Variants in RSPH1 observed in about 807,000 individuals in gnomAD.
The protein encoded by RSPH1 is radial spoke head component 1, also known as radial spoke head 1 homolog.
RSPH1 carries 32 observed loss-of-function variants against 44.2 expected under a neutral mutation model. That is an observed-to-expected ratio of 0.72 (90% CI 0.55 to 0.97). The LOEUF (loss-of-function observed/expected upper bound fraction) is 0.97, where lower values mean the gene tolerates loss of function less well. Ranked by LOEUF, RSPH1 falls within the 50% of genes least tolerant of loss-of-function variation. RSPH1 has a pLI of 0.00. For synonymous variants in RSPH1, 134 were observed against 147.3 expected (o/e 0.91, Z 0.65); for missense variants, 391 against 398.7 (o/e 0.98, Z 0.16).
At chr21:42,495,107 C>T (rs2054274436) in intron 1 of RSPH1, among the ~76,000 whole-genome samples, 1 of 152,260 alleles carries the variant, frequency 6.6e-6, no homozygotes, top group African/African-American at 2.4e-5. Flanking sequence ...AAGTCCCAGA[C>T]TTGGCCTAAT....
At chr21:42,486,622 G>GA (rs1299753589) in intron 3 of RSPH1, among the ~76,000 whole-genome samples, 161 bp from the exon 4 acceptor site, 1 of 152,350 alleles carries the variant, frequency 6.6e-6, no homozygotes, top group Non-Finnish European at 1.5e-5. Flanking sequence ...CTGCAGAAGA[G>GA]AGATTTTTAA....
chr21:42,472,672 C>G lies in RSPH1; in HGVS notation c.*146G>C. On this transcript the variant is annotated 3_prime_UTR_variant, in exon 9 of 9. Coordinates refer to ENST00000291536, the MANE Select transcript of RSPH1 (RefSeq NM_080860.4). ...AGGCTGGAGAGCAGTGGCGCGATCT[C>G]CACTCACTGCAACTGCCACTTTCTG... 3 of 610,552 alleles carry G rather than the reference C, an allele frequency of 4.9e-6. No individual in the cohort carries two copies. The highest frequency in any genetic ancestry group is 8.7e-6 in the Non-Finnish European group (3 of 343,550). The allele number at this position is 610,552 out of a possible 1,614,324, so 37.8% of individuals were successfully genotyped here. A position where few individuals can be genotyped will look rare whatever the true frequency, so the allele number is the denominator to read the frequency against.
intron 6 of RSPH1, 58 bp downstream of exon 6, chr21:42,482,579 T>C: frequency 7.8e-7 from 1 of 1,285,042 alleles, no homozygotes; most frequent in Non-Finnish European, 1.1e-6. Flanking sequence ...AGGATCAATA[T>C]TTTTGAGCAG....
intron 3 of RSPH1, among the ~76,000 whole-genome samples, chr21:42,491,440 A>G (rs189676628): frequency 6.6e-6 from 1 of 152,302 alleles, no homozygotes; most frequent in East Asian, 1.9e-4. Flanking sequence ...TAAATCCCTT[A>G]TCCTAAATAT....
At chr21:42,478,382 G>A (rs1185905963) in intron 6 of RSPH1, among the ~76,000 whole-genome samples, 1 of 152,228 alleles carries the variant, frequency 6.6e-6, no homozygotes, top group Non-Finnish European at 1.5e-5. Context: ...CTGCAGGACA[G>A]GGTCCTCAAA....
chr21:42,495,801 C>T (rs1269792833), intron 1 of RSPH1, among the ~76,000 whole-genome samples: 1 of 152,128 alleles, frequency 6.6e-6, no homozygotes, highest in Non-Finnish European at 1.5e-5. Flanking sequence ...TCTGCTCATC[C>T]GAGAAAACTG....
intron 5 of RSPH1, chr21:42,485,279 T>C (rs1384465617): frequency 5.6e-6 from 1 of 179,184 alleles, no homozygotes; most frequent in South Asian, 1.2e-4. Flanking sequence ...ATGTCGCACC[T>C]CCCCTTCCAG....
In RSPH1 at chr21:42,486,460, T is replaced by C; in HGVS notation, c.276A>G (p.Gly92=). ...CGTGCCGCAGGTCATTTGCCCACTCTCCTGAAAGGAACAACACAAAGGCAA... is the reference window on the plus strand; with the variant it reads ...CGTGCCGCAGGTCATTTGCCCACTCCCCTGAAAGGAACAACACAAAGGCAA... ...FIYPDGSRYE[G]EWANDLRHGH... Residue 92 remains glycine, a splice_region_variant and synonymous_variant, in exon 4 of 9, where the codon GGA becomes GGG. Transcript: ENST00000291536. 1 of 1,612,640 alleles carries C rather than the reference T, an allele frequency of 6.2e-7. No individual in the cohort carries two copies. The highest frequency in any genetic ancestry group is 8.5e-7 in the Non-Finnish European group (1 of 1,178,688).
chr21:42,488,292 G>A (rs1182489561), intron 3 of RSPH1, among the ~76,000 whole-genome samples: 2 of 152,152 alleles, frequency 1.3e-5, no homozygotes, highest in East Asian at 3.9e-4. Flanking sequence ...GGTCTTAAGG[G>A]GCAGTGATGT....
chr21:42,493,072 T>C lies in RSPH1; in HGVS notation c.62A>G (p.Glu21Gly). ...EEGENDIGEY[E>G]GGRNEAGERH... ...TTCGCCTGCCTCATTCCGACCCCCC[T>C]CATATTCCTGGGTAATGAAAATTGA... is the stretch of plus-strand genomic sequence containing the variant. Residue 21 changes from glutamate to glycine, a missense_variant, in exon 2 of 9, where the codon GAG becomes GGG. Coordinates refer to ENST00000291536, the MANE Select transcript of RSPH1 (RefSeq NM_080860.4). 1 of 1,613,470 alleles carries C rather than the reference T, an allele frequency of 6.2e-7. No homozygotes were observed. The highest frequency in any genetic ancestry group is 8.5e-7 in the Non-Finnish European group (1 of 1,179,586).
Position 42,492,744 on chromosome 21 carries a change from T to C in RSPH1, c.274+14A>G, listed in dbSNP as rs775269682. On this transcript the variant is annotated intron_variant, in intron 3 of 8. Coordinates refer to ENST00000291536, the MANE Select transcript of RSPH1 (RefSeq NM_080860.4). ...TTCTGTAACACGAAAATCTGCTTAGTGATAACATTTTACCTTCATATCTGG... is the reference window on the plus strand; with the variant it reads ...TTCTGTAACACGAAAATCTGCTTAGCGATAACATTTTACCTTCATATCTGG... 4 of 1,485,904 alleles carry C rather than the reference T, an allele frequency of 2.7e-6. No homozygotes were observed. Among genetic ancestry groups the C allele is most frequent in the East Asian group, 2.3e-5 (1 of 44,180 alleles). The allele number at this position is 1,485,904 out of a possible 1,614,324, so 92.0% of individuals were successfully genotyped here. A position where few individuals can be genotyped will look rare whatever the true frequency, so the allele number is the denominator to read the frequency against.
intron 3 of RSPH1, among the ~76,000 whole-genome samples, chr21:42,488,396 G>C (rs1415627393): frequency 6.6e-6 from 1 of 152,160 alleles, no homozygotes; most frequent in East Asian, 1.9e-4. Flanking sequence ...GAGATGCACA[G>C]AATGGGTTTT....
rs116656748 is a variant in RSPH1 at position 42,493,591 on chromosome 21, C to A, written c.55-512G>T. 6.2e-3 allele frequency among the ~76,000 whole-genome samples: 951 copies of A among 152,244 alleles called. 6 individuals carry two copies. Among genetic ancestry groups the A allele is most frequent in the African/African-American group, 0.022 (908 of 41,548 alleles). Reference sequence around the variant, plus strand: ...GGGTGTGGCCTGAAGAGACCTTTGCCCTGCAAGGAATTTCCGATGGAAGGG... The same window carrying A: ...GGGTGTGGCCTGAAGAGACCTTTGCACTGCAAGGAATTTCCGATGGAAGGG... On this transcript the variant is annotated intron_variant, in intron 1 of 8. Coordinates refer to ENST00000291536, the MANE Select transcript of RSPH1 (RefSeq NM_080860.4).
intron 3 of RSPH1, among the ~76,000 whole-genome samples, chr21:42,489,316 G>T (rs1475369374): frequency 6.6e-6 from 1 of 151,968 alleles, no homozygotes. Flanking sequence ...TGGTTGGTTG[G>T]TTAGACAGTT....
At chr21:42,478,341 A>G (rs561543418) in intron 6 of RSPH1, among the ~76,000 whole-genome samples, 10 of 152,252 alleles carry the variant, frequency 6.6e-5, no homozygotes, top group Non-Finnish European at 1.3e-4. Context: ...GAGTGTTTGA[A>G]TATGGCCACC....
rs201761398 is a variant in RSPH1, at chr21:42,493,042, T to G, written c.92A>C (p.His31Pro). ...GGGTAGCCGTGCCCTCCCACGTCCGTGCCTTTCGCCTGCCTCATTCCGACC... is the reference window on the plus strand; with the variant it reads ...GGGTAGCCGTGCCCTCCCACGTCCGGGCCTTTCGCCTGCCTCATTCCGACC... ...EGGRNEAGER[H>P]GRGRARLPNG... The change falls in exon 2 of 9, where the codon CAC becomes CCC. Residue 31 changes from histidine to proline, a missense_variant. Physicochemically the swap from His to Pro is moderately conservative, Grantham distance 77. Coordinates refer to ENST00000291536, the MANE Select transcript of RSPH1 (RefSeq NM_080860.4). 14 of 1,614,206 alleles carry G rather than the reference T, an allele frequency of 8.7e-6. No individual in the cohort carries two copies. The East Asian group carries it at 3.1e-4, about 36-fold the overall frequency.
intron 8 of RSPH1, among the ~76,000 whole-genome samples, chr21:42,475,009 C>G (rs552211715): frequency 6.6e-6 from 1 of 152,182 alleles, no homozygotes; most frequent in African/African-American, 2.4e-5. Flanking sequence ...CCCAGATGGC[C>G]CTTTCCCTCA....
In RSPH1 at chr21:42,477,330, A is replaced by G. The variant is rs1178062430; in HGVS notation, c.688T>C (p.Ser230Pro). ...GCGTCTTGGCCAGGTCCATCCGTAG[A>G]GGTCGGCTTTTTGGGGAGAGTTGGT... ...WTPTLPKKPT[S>P]TDGPGQDAPG... The change falls in exon 7 of 9, where the codon TCT becomes CCT. Residue 230 changes from serine to proline, a missense_variant. Ser to Pro is a moderately conservative substitution (Grantham distance 74). Coordinates refer to ENST00000291536, the MANE Select transcript of RSPH1 (RefSeq NM_080860.4). The G allele has an allele frequency of 6.2e-7, 1 of 1,614,134 alleles. No individual in the cohort carries two copies. The highest frequency in any genetic ancestry group is 1.3e-5 in the African/African-American group (1 of 75,048).
chr21:42,492,760 T>C lies in RSPH1; in HGVS notation c.272A>G (p.Glu91Gly). ...TFIYPDGSRY[E>G]GEWANDLRHG... The stretch of plus-strand genomic sequence containing the variant: ...TCTGCTTAGTGATAACATTTTACCT[T>C]CATATCTGGATCCATCTGGATATAT... Residue 91 changes from glutamate (E) to glycine (G), a missense_variant and splice_region_variant, in exon 3 of 9, where the codon GAA becomes GGA. Physicochemically the swap from Glu to Gly is moderately conservative, Grantham distance 98 (BLOSUM62 -2). Transcript: ENST00000291536. The C allele has an allele frequency of 6.3e-7, 1 of 1,575,006 alleles. No individual in the cohort carries two copies. Among genetic ancestry groups the C allele is most frequent in the South Asian group, 1.1e-5 (1 of 89,374 alleles).
Sources: allele counts gnomAD v4.1 joint callset (sites outside exome capture counted in the v4.1 genomes callset), GRCh38; gene constraint gnomAD v4.1.1; transcripts MANE v1.5; gene names NCBI Gene and HGNC (gene_info 2026-07-23, HGNC 2026-07-21).